The following GRIN2B variants were observed in gnomAD, a reference collection of about 807,000 sequenced individuals.
GRIN2B encodes glutamate receptor ionotropic, NMDA 2B.
In GRIN2B, 5 loss-of-function variants were observed where a neutral mutation model predicts 114.5. The observed-to-expected ratio is 0.04, with a 90% CI of 0.02 to 0.09. The LOEUF (loss-of-function observed/expected upper bound fraction) is 0.09. Among genes scored for constraint, GRIN2B ranks in the 10% least tolerant of loss-of-function variants. The probability of loss-of-function intolerance (pLI) is 1.00; values close to 1 mark genes in which losing one functional copy is unlikely to be tolerated. For synonymous variants in GRIN2B, 787 were observed against 745.1 expected (o/e 1.06, Z -0.92); for missense variants, 1,108 against 1,943.5 (o/e 0.57, Z 8.08).
At chr12:13,811,283 G>C (rs1178443712) in intron 3 of GRIN2B, among the ~76,000 whole-genome samples, 2 of 152,212 alleles carry the variant, frequency 1.3e-5, no homozygotes, top group East Asian at 3.8e-4. Flanking sequence ...ACTCAGCTGA[G>C]CATGATGGCT....
intron 3 of GRIN2B, among the ~76,000 whole-genome samples, chr12:13,855,628 T>C (rs897547208): frequency 3.3e-5 from 5 of 152,180 alleles, no homozygotes; most frequent in African/African-American, 1.2e-4. Flanking sequence ...TATCTCTCTT[T>C]ATATGGGCTT....
At position 13,736,141 on chromosome 12, in the gene GRIN2B, G is replaced by GCC. The variant is rs1565518329; in HGVS notation, c.1010+17175_1010+17176insGG. Among the ~76,000 whole-genome samples, 15 of 31,744 alleles carry GCC rather than the reference G, an allele frequency of 4.7e-4. 1 individual carries two copies. The highest frequency in any genetic ancestry group is 8.7e-4 in the Non-Finnish European group (12 of 13,838). The allele number at this position is 31,744 out of a possible 152,430, so 20.8% of individuals were successfully genotyped here. On this transcript the variant is annotated intron_variant, in intron 4 of 13. Transcript: ENST00000609686. Reference sequence around the variant, plus strand: ...ATCATCTCCCATAGAAAAGCGGGGGGGGGGGGGGGTTGGCGGGAATAAACA... The same window carrying GCC: ...ATCATCTCCCATAGAAAAGCGGGGGGCCGGGGGGGGGTTGGCGGGAATAAACA...
intron 3 of GRIN2B, among the ~76,000 whole-genome samples, chr12:13,807,910 A>T (rs2136680723): frequency 6.6e-6 from 1 of 152,180 alleles, no homozygotes; most frequent in South Asian, 2.1e-4. Flanking sequence ...AGGGAAGTTT[A>T]AGCAGCAGTA....
At chr12:13,981,044 G>A (rs1411561676) in intron 1 of GRIN2B, among the ~76,000 whole-genome samples, 1 of 152,140 alleles carries the variant, frequency 6.6e-6, no homozygotes, top group Non-Finnish European at 1.5e-5. Context: ...GGACGGATGG[G>A]CTCGGCGCGT....
intron 5 of GRIN2B, among the ~76,000 whole-genome samples, chr12:13,618,773 G>A (rs1949478818): frequency 6.6e-6 from 1 of 152,132 alleles, no homozygotes; most frequent in African/African-American, 2.4e-5. Context: ...CTTGGAAAAG[G>A]AAGTTGTTGG....
chr12:13,572,720 A>C (rs953168066), intron 10 of GRIN2B, among the ~76,000 whole-genome samples: 28 of 152,112 alleles, frequency 1.8e-4, no homozygotes, highest in African/African-American at 6.8e-4. Flanking sequence ...CTGAACACAA[A>C]ATTTGTTCAT....
intron 4 of GRIN2B, among the ~76,000 whole-genome samples, chr12:13,733,620 G>T (rs887649104): frequency 6.6e-6 from 1 of 152,164 alleles, no homozygotes; most frequent in Non-Finnish European, 1.5e-5. Flanking sequence ...CCATGCAAGA[G>T]GTAGGCTTGC....
At chr12:13,590,779 G>A (rs1948999444) in intron 10 of GRIN2B, among the ~76,000 whole-genome samples, 1 of 152,152 alleles carries the variant, frequency 6.6e-6, no homozygotes, top group African/African-American at 2.4e-5. Flanking sequence ...TGGAATTGCT[G>A]GGGAAAGACC....
At chr12:13,875,773 C>A (rs1865983461) in intron 2 of GRIN2B, among the ~76,000 whole-genome samples, 1 of 152,202 alleles carries the variant, frequency 6.6e-6, no homozygotes, top group African/African-American at 2.4e-5. Flanking sequence ...TCTCTAACTG[C>A]AAGTCCTTTA....
chr12:13,846,803 G>A (rs1225972859), intron 3 of GRIN2B, among the ~76,000 whole-genome samples: 1 of 152,122 alleles, frequency 6.6e-6, no homozygotes, highest in Non-Finnish European at 1.5e-5. Flanking sequence ...ATAAGGAAAT[G>A]GTTAAGAGTC....
In GRIN2B at chr12:13,547,772, T is replaced by A. The variant is rs1342271657; in HGVS notation, c.*15011A>T. The A allele has an allele frequency of 6.6e-6, 1 of 151,852 alleles. No homozygotes were observed. Among genetic ancestry groups the A allele is most frequent in the African/African-American group, 2.4e-5 (1 of 41,366 alleles). 9.4% of individuals were successfully genotyped at this position (151,852 alleles called of 1,614,324 possible). A position where few individuals can be genotyped will look rare whatever the true frequency, so the allele number is the denominator to read the frequency against. ...AATCTCAAAAATACTCCAACTTCCCTGATTCTTTTGGAAGTTATTGGGCAT... is the reference window on the plus strand; with the variant it reads ...AATCTCAAAAATACTCCAACTTCCCAGATTCTTTTGGAAGTTATTGGGCAT... On this transcript the variant is annotated 3_prime_UTR_variant, in exon 14 of 14. Coordinates refer to ENST00000609686, the MANE Select transcript of GRIN2B (RefSeq NM_000834.5).
At chr12:13,742,152 G>A (rs1013715685) in intron 4 of GRIN2B, among the ~76,000 whole-genome samples, 2 of 151,972 alleles carry the variant, frequency 1.3e-5, no homozygotes, top group African/African-American at 4.8e-5. Flanking sequence ...TGCTATACAG[G>A]GATTTTTATG....
At chr12:13,936,775 C>G (rs1867136626) in intron 2 of GRIN2B, among the ~76,000 whole-genome samples, 1 of 151,180 alleles carries the variant, frequency 6.6e-6, no homozygotes, top group Non-Finnish European at 1.5e-5. Context: ...AAAATATGCT[C>G]AAATAATTAA....
intron 3 of GRIN2B, among the ~76,000 whole-genome samples, chr12:13,789,457 T>C (rs749562705): frequency 9.9e-5 from 15 of 152,186 alleles, no homozygotes; most frequent in Non-Finnish European, 2.2e-4. Context: ...CTGGGCAAGT[T>C]TTCCTTAAAT....
At chr12:13,843,395 A>C (rs1043433776) in intron 3 of GRIN2B, among the ~76,000 whole-genome samples, 7 of 152,048 alleles carry the variant, frequency 4.6e-5, no homozygotes, top group African/African-American at 9.7e-5. Flanking sequence ...TATTTTTATA[A>C]TTTTTGTATT....
intron 8 of GRIN2B, among the ~76,000 whole-genome samples, chr12:13,613,647 C>T (rs1591641646): frequency 6.6e-6 from 1 of 152,232 alleles, no homozygotes; most frequent in East Asian, 1.9e-4. Flanking sequence ...AATCCTAGAG[C>T]TGCCAGTTAT....
chr12:13,906,173 G>T (rs1312005951), intron 2 of GRIN2B, among the ~76,000 whole-genome samples: 3 of 152,078 alleles, frequency 2.0e-5, no homozygotes, highest in African/African-American at 4.8e-5. Context: ...TTTAGCAGAG[G>T]GTTGGGCTAA....
At chr12:13,979,901 GA>G (rs986479098) in intron 2 of GRIN2B, 26 bp downstream of exon 2, 1 of 152,104 alleles carries the variant, frequency 6.6e-6, no homozygotes, top group African/African-American at 2.4e-5. Flanking sequence ...CCCAGGTGAG[GA>G]AAAAATAAAA....
intron 3 of GRIN2B, among the ~76,000 whole-genome samples, chr12:13,796,080 A>AT (rs1442230924): frequency 1.5e-4 from 4 of 27,470 alleles, no homozygotes; most frequent in East Asian, 1.6e-3. Flanking sequence ...TTAAAGTATA[A>AT]TTAAAAAAAA....
Sources: gnomAD v4.1 joint callset for allele counts (sites outside exome capture counted in the v4.1 genomes callset) on GRCh38, gnomAD v4.1.1 for gene constraint, MANE v1.5 for transcripts, NCBI Gene and HGNC (gene_info 2026-07-23, HGNC 2026-07-21) for gene names.